The following CAMK1 variants were observed in gnomAD, a reference collection of about 807,000 sequenced individuals.
The protein encoded by CAMK1 is calcium/calmodulin-dependent protein kinase type 1.
In CAMK1, 39 loss-of-function variants were observed where a neutral mutation model predicts 49.1. The ratio of observed to expected loss-of-function variants is 0.79; its 90% confidence interval spans 0.62 to 1.04. The LOEUF (loss-of-function observed/expected upper bound fraction) is 1.04. Among genes scored for constraint, CAMK1 ranks in the 50% least tolerant of loss-of-function variants. The probability of loss-of-function intolerance (pLI) is 0.00; values close to 1 mark genes in which losing one functional copy is unlikely to be tolerated. For synonymous variants in CAMK1, 192 were observed against 185.2 expected (o/e 1.04, Z -0.30); for missense variants, 457 against 472.2 (o/e 0.97, Z 0.30).
At chr3:9,763,090 G>C (rs956336718) in intron 4 of CAMK1, 38 bp from the exon 5 acceptor site, 9 of 1,614,106 alleles carry the variant, frequency 5.6e-6, no homozygotes, top group Non-Finnish European at 7.6e-6. Flanking sequence ...AAAGAGGGTT[G>C]GGACAGCTGG....
intron 10 of CAMK1, chr3:9,759,112 C>T: frequency 8.0e-7 from 1 of 1,242,330 alleles, no homozygotes; most frequent in South Asian, 1.2e-5. Flanking sequence ...TCTGGCCAGG[C>T]TTAGCACTTG....
Position 9,760,588 on chromosome 3 carries a change from C to T in CAMK1, c.745+68G>A, listed in dbSNP as rs955100180. 5.0e-5 allele frequency: 76 copies of T among 1,533,038 alleles called. 1 individual carries two copies. The highest frequency in any genetic ancestry group is 3.2e-4 in the South Asian group (28 of 88,826). The allele number at this position is 1,533,038 out of a possible 1,614,324, so 95.0% of individuals were successfully genotyped here. ...GACAGAAGGAAGGCAGGAGGGAGAC[C>T]GCCCCCAAAGCAGGTGAGGGAGGAA... On this transcript the variant is annotated intron_variant, in intron 8 of 11. Coordinates refer to ENST00000256460, the MANE Select transcript of CAMK1 (RefSeq NM_003656.5).
intron 7 of CAMK1, 121 bp from the exon 8 acceptor site, chr3:9,760,889 T>C (rs1287547642): frequency 3.5e-6 from 5 of 1,423,894 alleles, no homozygotes; most frequent in Admixed American, 4.2e-5. Flanking sequence ...CTTTATAAAC[T>C]CTACCAGCCC....
intron 7 of CAMK1, 39 bp downstream of exon 7, chr3:9,761,422 C>G: frequency 6.3e-7 from 1 of 1,583,122 alleles, no homozygotes; most frequent in Non-Finnish European, 8.6e-7. Flanking sequence ...GAGAGGACAA[C>G]TCTGGAGCCA....
intron 1 of CAMK1, among the ~76,000 whole-genome samples, chr3:9,769,542 C>G (rs373813465): frequency 2.0e-5 from 3 of 152,180 alleles, no homozygotes; most frequent in Admixed American, 6.5e-5. Flanking sequence ...CTCCGCAAGC[C>G]CCCCCACCCC....
At chr3:9,762,016 T>C (rs887016273) in intron 5 of CAMK1, 5 of 395,922 alleles carry the variant, frequency 1.3e-5, no homozygotes, top group Non-Finnish European at 2.3e-5. Flanking sequence ...TTTGAATGCC[T>C]ATTTTATGCC....
chr3:9,761,293 C>T (rs1051392000), intron 7 of CAMK1, 168 bp downstream of exon 7: 5 of 703,716 alleles, frequency 7.1e-6, no homozygotes, highest in African/African-American at 3.6e-5. Flanking sequence ...TGGCACAGTG[C>T]TTGAAACATA....
At position 9,757,417 on chromosome 3, in the gene CAMK1, G is replaced by A; in HGVS notation, c.*122C>T. The stretch of plus-strand genomic sequence containing the variant: ...ACATTTGTATGGAAAATGCAGTGAG[G>A]AGTGGTAGGGAAGCAGGTGAGGAGG... On this transcript the variant is annotated 3_prime_UTR_variant, in exon 12 of 12. Transcript: ENST00000256460. This position sits in a 1 kb window ranked among gnomAD's most constrained non-coding sequence, Gnocchi z 4.5. 1.9e-6 allele frequency: 3 copies of A among 1,609,080 alleles called. No individual in the cohort carries two copies. Among genetic ancestry groups the A allele is most frequent in the Non-Finnish European group, 1.7e-6 (2 of 1,177,268 alleles).
At chr3:9,766,575 T>C (rs1017011847) in intron 2 of CAMK1, 20 of 838,788 alleles carry the variant, frequency 2.4e-5, no homozygotes, top group Non-Finnish European at 3.0e-5. Flanking sequence ...AGGTGATTTG[T>C]ATGCTCATTG....
chr3:9,758,302 A>T (rs2077681886), intron 10 of CAMK1: 1 of 155,796 alleles, frequency 6.4e-6, no homozygotes. Context: ...ACACCCCTCA[A>T]ATTCACCATG....
rs2077737106 is a variant in CAMK1, at chr3:9,759,339, AAG to A, written c.912+147_912+148del. On this transcript the variant is annotated intron_variant, in intron 10 of 11. Coordinates refer to ENST00000256460, the MANE Select transcript of CAMK1 (RefSeq NM_003656.5). The stretch of plus-strand genomic sequence containing the variant: ...GGTGTTGGGAGTGTTTGTTGAATGA[AAG>A]AGTGAATGAATGAAGTCCTTCAGTA... 13 of 1,561,576 alleles carry A rather than the reference AAG, an allele frequency of 8.3e-6. No individual in the cohort carries two copies. In the South Asian group the frequency reaches 1.4e-4, roughly 17 times the overall value.
In CAMK1 at chr3:9,767,694, A is replaced by C; in HGVS notation, c.56T>G (p.Ile19Ser). 1 of 1,614,064 alleles carries C rather than the reference A, an allele frequency of 6.2e-7. No individual in the cohort carries two copies. Among genetic ancestry groups the C allele is most frequent in the Non-Finnish European group, 8.5e-7 (1 of 1,179,974 alleles). Residue 19 changes from isoleucine to serine, a missense_variant, in exon 2 of 12, where the codon ATC becomes AGC. Transcript: ENST00000256460. ...GCCCAGAACATCTCGGAAGTCGTAG[A>C]TGTCTCTAATGTCCTCCGCCTGCTT... is the stretch of plus-strand genomic sequence containing the variant. ...RWKQAEDIRD[I>S]YDFRDVLGTG...
chr3:9,764,815 A>G (rs2078074816), intron 3 of CAMK1, among the ~76,000 whole-genome samples: 1 of 151,592 alleles, frequency 6.6e-6, no homozygotes, highest in African/African-American at 2.4e-5. Flanking sequence ...TATTTTTAGT[A>G]GAGACAGGGT....
At chr3:9,762,028 G>T in intron 5 of CAMK1, 1 of 361,168 alleles carries the variant, frequency 2.8e-6, no homozygotes, top group Non-Finnish European at 5.1e-6. Context: ...TTTTATGCCA[G>T]ACCCTGGATT....
intron 10 of CAMK1, chr3:9,759,222 C>T (rs906776771): frequency 6.8e-6 from 11 of 1,614,142 alleles, no homozygotes; most frequent in South Asian, 3.3e-5. Flanking sequence ...TGACCTTTCT[C>T]GGACCCCATA....
At chr3:9,763,347 T>A in intron 3 of CAMK1, 134 bp from the exon 4 acceptor site, 2 of 1,014,294 alleles carry the variant, frequency 2.0e-6, no homozygotes, top group Non-Finnish European at 2.9e-6. Flanking sequence ...CTGTTATGAT[T>A]GCACCTGTGA....
intron 5 of CAMK1, among the ~76,000 whole-genome samples, chr3:9,762,688 A>G (rs367765719): frequency 1.3e-5 from 2 of 152,070 alleles, no homozygotes; most frequent in African/African-American, 4.8e-5. Context: ...TTTAATCAGA[A>G]AAAGACAAAA....
chr3:9,759,068 G>A, intron 10 of CAMK1: 1 of 831,916 alleles, frequency 1.2e-6, no homozygotes, highest in Non-Finnish European at 2.1e-6. Flanking sequence ...CTCTAAATTG[G>A]GCTCCTGCCT....
chr3:9,761,118 C>T, intron 7 of CAMK1: 1 of 342,340 alleles, frequency 2.9e-6, no homozygotes. Flanking sequence ...TCTCCCTATT[C>T]CTGCTTGGTT....
Sources: gnomAD v4.1 joint callset for allele counts (sites outside exome capture counted in the v4.1 genomes callset) on GRCh38, gnomAD v4.1.1 for gene constraint, Gnocchi (gnomAD v3.1) non-coding constraint, MANE v1.5 for transcripts, NCBI Gene and HGNC (gene_info 2026-07-23, HGNC 2026-07-21) for gene names.